Variants in CAST observed in about 807,000 individuals in gnomAD.
The protein encoded by CAST is calpastatin.
Under a neutral mutation model 119.6 loss-of-function variants are expected in CAST, and 76 were observed. The observed-to-expected ratio is 0.64, with a 90% CI of 0.53 to 0.77. CAST has a LOEUF of 0.77. CAST is among the 30% of genes least tolerant of loss of function. The probability of loss-of-function intolerance (pLI) is 0.00; values close to 1 mark genes in which losing one functional copy is unlikely to be tolerated. For synonymous variants in CAST, 319 were observed against 331.6 expected, an observed-to-expected ratio of 0.96 and a Z score of 0.41; for missense variants, 953 against 946.5, an observed-to-expected ratio of 1.01 and a Z score of -0.09.
At chr5:96,384,471 C>T in the CAST span, among the ~76,000 whole-genome samples, 1 of 152,138 alleles carries the variant, frequency 6.6e-6, no homozygotes, top group Admixed American at 6.5e-5. Flanking sequence ...GGGTGAGTTC[C>T]CTCTCTTCTT....
the CAST span, among the ~76,000 whole-genome samples, chr5:96,043,335 A>G: frequency 9.8e-3 from 1,495 of 152,304 alleles, 30 homozygotes; most frequent in African/African-American, 0.034. Flanking sequence ...AGGGACATCA[A>G]ATTGAAATTA....
the CAST span, among the ~76,000 whole-genome samples, chr5:96,306,661 G>A: frequency 6.6e-6 from 1 of 152,062 alleles, no homozygotes; most frequent in Admixed American, 6.6e-5. Context: ...TTTGTTTTCA[G>A]TGGTTTCAAA....
intron 1 of CAST, among the ~76,000 whole-genome samples, chr5:96,668,669 G>A (rs1488887449): frequency 6.6e-6 from 1 of 152,190 alleles, no homozygotes; most frequent in Non-Finnish European, 1.5e-5. Context: ...TAAATTATCT[G>A]CCCAAGGTCA....
the CAST span, among the ~76,000 whole-genome samples, chr5:96,055,490 C>T: frequency 1.6e-3 from 241 of 152,210 alleles, no homozygotes; most frequent in Non-Finnish European, 2.6e-3. Context: ...ATGATGAATG[C>T]AAATATTATA....
chr5:96,199,901 C>T, the CAST span, among the ~76,000 whole-genome samples: 2 of 152,010 alleles, frequency 1.3e-5, no homozygotes, highest in African/African-American at 2.4e-5. Context: ...TTTAGTTCTC[C>T]GGTAGCCTTC....
At chr5:96,313,547 T>G in the CAST span, among the ~76,000 whole-genome samples, 1 of 152,230 alleles carries the variant, frequency 6.6e-6, no homozygotes, top group Non-Finnish European at 1.5e-5. Context: ...AACAATTTAT[T>G]CACCAGTTGA....
At chr5:96,543,649 G>A (rs1745956309) in intron 1 of CAST, among the ~76,000 whole-genome samples, 1 of 152,094 alleles carries the variant, frequency 6.6e-6, no homozygotes, top group Non-Finnish European at 1.5e-5. Context: ...TTTGGTGTAT[G>A]TAAAAATTTA....
the CAST span, among the ~76,000 whole-genome samples, chr5:96,396,568 A>AAG: frequency 6.6e-6 from 1 of 152,002 alleles, no homozygotes; most frequent in African/African-American, 2.4e-5. Context: ...TCTCAAAAAA[A>AAG]AAAAAAAAAG....
At chr5:96,485,357 G>A in the CAST span, among the ~76,000 whole-genome samples, 1 of 152,196 alleles carries the variant, frequency 6.6e-6, no homozygotes. Flanking sequence ...CAGAGTTCTA[G>A]AAAGTTATTA....
the CAST span, among the ~76,000 whole-genome samples, chr5:95,975,966 C>G: frequency 6.6e-6 from 1 of 152,052 alleles, no homozygotes. Flanking sequence ...ATGTTGGAGG[C>G]AAGATAGAAA....
chr5:96,419,777 T>C, the CAST span, among the ~76,000 whole-genome samples: 15 of 152,074 alleles, frequency 9.9e-5, no homozygotes, highest in Middle Eastern at 3.4e-3. Context: ...AAATTATATT[T>C]TATTTTAATT....
intron 3 of CAST, among the ~76,000 whole-genome samples, chr5:96,703,564 A>G (rs540277523): frequency 2.6e-5 from 4 of 152,316 alleles, no homozygotes; most frequent in East Asian, 1.9e-4. Flanking sequence ...TCTCTTCTGT[A>G]TGGTTAGGGA....
the CAST span, among the ~76,000 whole-genome samples, chr5:96,077,464 A>G: frequency 2.6e-5 from 4 of 151,982 alleles, no homozygotes; most frequent in South Asian, 4.1e-4. Flanking sequence ...TGTTTTTGCT[A>G]GTTGTATTTA....
At chr5:96,360,575 G>A in the CAST span, among the ~76,000 whole-genome samples, 18 of 152,254 alleles carry the variant, frequency 1.2e-4, no homozygotes, top group Non-Finnish European at 2.6e-4. Context: ...TTTTCCTCCT[G>A]ACGGTCAGGC....
the CAST span, chr5:96,392,932 C>T: frequency 3.3e-6 from 5 of 1,521,168 alleles, no homozygotes; most frequent in Non-Finnish European, 4.6e-6. Context: ...ACAACCACTT[C>T]AGACACAGGC....
At chr5:96,069,355 A>ATG in the CAST span, among the ~76,000 whole-genome samples, 6,062 of 141,652 alleles carry the variant, frequency 0.043, 281 homozygotes, top group East Asian at 0.24. Context: ...GTGTGTATGT[A>ATG]TGTGTGTGTG....
intron 13 of CAST, 113 bp from the exon 14 acceptor site, chr5:96,741,153 C>T: frequency 1.5e-6 from 1 of 662,684 alleles, no homozygotes. Flanking sequence ...TAACACACCT[C>T]ATTTGGTAGC....
chr5:96,608,810 T>C (rs752337322), intron 1 of CAST, among the ~76,000 whole-genome samples: 5 of 152,114 alleles, frequency 3.3e-5, no homozygotes, highest in Non-Finnish European at 5.9e-5. Flanking sequence ...AGGAGGCACA[T>C]CTTCCAAGGC....
At chr5:96,220,572 A>G in the CAST span, among the ~76,000 whole-genome samples, 1 of 152,226 alleles carries the variant, frequency 6.6e-6, no homozygotes, top group Non-Finnish European at 1.5e-5. Context: ...GGTTAGTGAC[A>G]GAGTCTGGCA....
Sources: gnomAD v4.1 joint callset for allele counts (sites outside exome capture counted in the v4.1 genomes callset) on GRCh38, gnomAD v4.1.1 for gene constraint, MANE v1.5 for transcripts, NCBI Gene and HGNC (gene_info 2026-07-23, HGNC 2026-07-21) for gene names.